The following TTC28 variants were observed in gnomAD, a reference collection of about 807,000 sequenced individuals.
The protein encoded by TTC28 is tetratricopeptide repeat protein 28.
Under a neutral mutation model 198.0 loss-of-function variants are expected in TTC28, and 61 were observed. The observed-to-expected ratio is 0.31, with a 90% confidence interval of 0.25 to 0.38. The LOEUF is 0.38. TTC28 is among the 10% of genes least tolerant of loss of function. TTC28 has a pLI of 1.00. For missense variants in TTC28, 2,678 were observed against 3,164.0 expected (o/e 0.85, Z 3.69); for synonymous variants, 1,171 against 1,297.8 (o/e 0.90, Z 2.10).
chr22:28,066,304 G>GTGTGTGTT (rs71803180), intron 12 of TTC28, among the ~76,000 whole-genome samples: 9 of 147,192 alleles, frequency 6.1e-5, no homozygotes, highest in Admixed American at 2.7e-4. Flanking sequence ...GTGTGTGTGT[G>GTGTGTGTT]GTGTGTGTGT....
intron 2 of TTC28, among the ~76,000 whole-genome samples, chr22:28,583,571 T>C (rs943383623): frequency 6.6e-6 from 1 of 152,188 alleles, no homozygotes; most frequent in Non-Finnish European, 1.5e-5. Context: ...GAAAATCTCT[T>C]TGTTTTTCTG....
At chr22:28,529,164 G>C (rs1406065621) in intron 2 of TTC28, among the ~76,000 whole-genome samples, 1 of 152,182 alleles carries the variant, frequency 6.6e-6, no homozygotes, top group Non-Finnish European at 1.5e-5. Flanking sequence ...TCCTAGCCAA[G>C]GGAAGCCATG....
intron 2 of TTC28, among the ~76,000 whole-genome samples, chr22:28,309,003 G>A (rs1201342220): frequency 1.3e-5 from 2 of 152,160 alleles, no homozygotes; most frequent in African/African-American, 4.8e-5. Context: ...ACAAATGGCT[G>A]TTGAATAAAA....
chr22:28,452,507 A>C (rs2047797964), intron 2 of TTC28, among the ~76,000 whole-genome samples: 1 of 152,084 alleles, frequency 6.6e-6, no homozygotes, highest in African/African-American at 2.4e-5. Context: ...TCATAGGAAA[A>C]GAAAGTCAAT....
At chr22:28,581,590 A>C (rs1027366904) in intron 2 of TTC28, among the ~76,000 whole-genome samples, 1 of 152,226 alleles carries the variant, frequency 6.6e-6, no homozygotes, top group African/African-American at 2.4e-5. Context: ...ATTTCAATCA[A>C]GTTAGGAGCA....
chr22:28,679,651 C>T lies in TTC28; in HGVS notation c.73G>A (p.Glu25Lys). The T allele has an allele frequency of 8.3e-6, 12 of 1,445,234 alleles. No individual in the cohort carries two copies. Among genetic ancestry groups the T allele is most frequent in the Non-Finnish European group, 1.1e-5 (12 of 1,103,674 alleles). 89.5% of individuals were successfully genotyped at this position (1,445,234 alleles called of 1,614,324 possible). A position where few individuals can be genotyped will look rare whatever the true frequency, so the allele number is the denominator to read the frequency against. The change falls in exon 1 of 23, where the codon GAG (glutamate) becomes AAG (lysine). Residue 25 changes from glutamate (E) to lysine (K), a missense_variant. Physicochemically the swap from Glu to Lys is moderately conservative, Grantham distance 56. Transcript: ENST00000397906. ...PTPARSRRRR[E>K]PESPPASAPI... The stretch of plus-strand genomic sequence containing the variant: ...GCCGACGCCGGCGGCGACTCTGGCT[C>T]CCGCCGCCTTCGGCTCCTTGCGGGG...
intron 6 of TTC28, among the ~76,000 whole-genome samples, chr22:28,122,482 G>A (rs1288045054): frequency 6.6e-6 from 1 of 152,152 alleles, no homozygotes; most frequent in Non-Finnish European, 1.5e-5. Flanking sequence ...AAATCCCTAT[G>A]TATCTATCTT....
chr22:28,316,652 T>C (rs1445412121), intron 2 of TTC28, among the ~76,000 whole-genome samples: 1 of 152,228 alleles, frequency 6.6e-6, no homozygotes, highest in Non-Finnish European at 1.5e-5. Flanking sequence ...ATTGTAAATC[T>C]CTTACATATA....
chr22:28,314,824 G>A (rs2045325910), intron 2 of TTC28, among the ~76,000 whole-genome samples: 1 of 152,060 alleles, frequency 6.6e-6, no homozygotes, highest in African/African-American at 2.4e-5. Flanking sequence ...AGTGAGCTAT[G>A]ATGGTTCCAC....
At chr22:28,386,967 A>T (rs566681451) in intron 2 of TTC28, among the ~76,000 whole-genome samples, 4 of 152,122 alleles carry the variant, frequency 2.6e-5, no homozygotes, top group African/African-American at 7.2e-5. Flanking sequence ...AGCATTAGGT[A>T]TATCACCCAA....
At chr22:28,318,884 T>C (rs1024489158) in intron 2 of TTC28, among the ~76,000 whole-genome samples, 3 of 142,230 alleles carry the variant, frequency 2.1e-5, no homozygotes, top group African/African-American at 7.8e-5. Context: ...AGTGGTGTGA[T>C]CAAGGCTTAT....
At chr22:28,425,280 C>T (rs2047332537) in intron 2 of TTC28, among the ~76,000 whole-genome samples, 1 of 152,146 alleles carries the variant, frequency 6.6e-6, no homozygotes, top group East Asian at 1.9e-4. Flanking sequence ...GCCTATTATA[C>T]AAATGTCAAA....
intron 2 of TTC28, among the ~76,000 whole-genome samples, chr22:28,596,665 A>T (rs2050548114): frequency 6.6e-6 from 1 of 152,204 alleles, no homozygotes; most frequent in Admixed American, 6.5e-5. Flanking sequence ...TGAGATTTTG[A>T]CAGTCATTAT....
At chr22:28,644,550 G>A (rs566927286) in intron 1 of TTC28, among the ~76,000 whole-genome samples, 3 of 152,260 alleles carry the variant, frequency 2.0e-5, no homozygotes, top group East Asian at 1.9e-4. Context: ...CAGGCTGGGC[G>A]CAGTGGCTCA....
intron 5 of TTC28, among the ~76,000 whole-genome samples, chr22:28,182,328 A>G (rs1218820331): frequency 1.3e-5 from 2 of 152,198 alleles, no homozygotes; most frequent in Non-Finnish European, 2.9e-5. Context: ...GTGGGCTATA[A>G]AACATTATTC....
At chr22:28,502,767 C>G (rs1319234021) in intron 2 of TTC28, among the ~76,000 whole-genome samples, 1 of 152,132 alleles carries the variant, frequency 6.6e-6, no homozygotes, top group Non-Finnish European at 1.5e-5. Context: ...TGCAAAGATT[C>G]TCCAATTTTC....
At chr22:28,093,509 T>G (rs1941874406) in intron 12 of TTC28, among the ~76,000 whole-genome samples, 1 of 152,218 alleles carries the variant, frequency 6.6e-6, no homozygotes, top group African/African-American at 2.4e-5. Flanking sequence ...GTGGAAATTA[T>G]TTTTTTCATA....
At chr22:28,631,748 A>G (rs1390658748) in intron 1 of TTC28, among the ~76,000 whole-genome samples, 1 of 151,654 alleles carries the variant, frequency 6.6e-6, no homozygotes, top group Non-Finnish European at 1.5e-5. Context: ...CTGGTCTCAA[A>G]CTCCTGGGTC....
chr22:28,115,665 G>C (rs1034049196), intron 6 of TTC28, among the ~76,000 whole-genome samples: 4 of 152,262 alleles, frequency 2.6e-5, no homozygotes, highest in African/African-American at 9.6e-5. Context: ...TCGCACGTCT[G>C]TTCTGCCATC....
Sources: gnomAD v4.1 joint callset for allele counts (sites outside exome capture counted in the v4.1 genomes callset) on GRCh38, gnomAD v4.1.1 for gene constraint, MANE v1.5 for transcripts, NCBI Gene and HGNC (gene_info 2026-07-23, HGNC 2026-07-21) for gene names.